Variants in SLC6A9 observed in about 807,000 individuals in gnomAD.
The protein encoded by SLC6A9 is sodium- and chloride-dependent glycine transporter 1.
Under a neutral mutation model 70.9 loss-of-function variants are expected in SLC6A9, and 31 were observed. That is an observed-to-expected ratio of 0.44 (90% confidence interval 0.33 to 0.59). The LOEUF (loss-of-function observed/expected upper bound fraction) is 0.59. SLC6A9 is among the 20% of genes least tolerant of loss of function. The probability of loss-of-function intolerance (pLI) is 0.04; values close to 1 mark genes in which losing one functional copy is unlikely to be tolerated. For synonymous variants in SLC6A9, 310 were observed against 341.3 expected, an observed-to-expected ratio of 0.91 and a Z score of 1.01; for missense variants, 631 against 845.2, an observed-to-expected ratio of 0.75 and a Z score of 3.14.
At chr1:44,003,668 A>G (rs1176665955) in intron 5 of SLC6A9, among the ~76,000 whole-genome samples, 1 of 150,414 alleles carries the variant, frequency 6.6e-6, no homozygotes, top group Non-Finnish European at 1.5e-5. Flanking sequence ...GAACTGCTTG[A>G]ACCCAGGAGG....
rs201864670 is a variant in SLC6A9 at position 44,010,046 on chromosome 1, G to A, written c.238C>T (p.Leu80Phe). ...CCGAAGGAGAGCTCCATGAAGAAGA[G>A]GGGGATCCCGCAGAAGATGAGCATG... The part of the protein sequence containing the change: ...FIMLIFCGIP[L>F]FFMELSFGQF... Residue 80 changes from leucine to phenylalanine, a missense_variant, in exon 4 of 14, where the codon CTC becomes TTC. Physicochemically the swap from Leu to Phe is conservative, Grantham distance 22. Coordinates refer to ENST00000372310, the MANE Select transcript of SLC6A9 (RefSeq NM_001024845.3). The A allele has an allele frequency of 5.6e-6, 9 of 1,614,114 alleles. No homozygotes were observed. The highest frequency in any genetic ancestry group is 7.6e-6 in the Non-Finnish European group (9 of 1,179,974).
chr1:44,002,005 G>A lies in SLC6A9; in HGVS notation c.962+308C>T, dbSNP rs1243104177. 6.6e-6 allele frequency among the ~76,000 whole-genome samples: 1 copy of A among 152,094 alleles called. No homozygotes were observed. Among genetic ancestry groups the A allele is most frequent in the African/African-American group, 2.4e-5 (1 of 41,394 alleles). ...CCCGCCTTGGCCTCTCAAAGTGCTG[G>A]GATTACGGCGTGAAGCACTGAGCCT... On this transcript the variant is annotated intron_variant, in intron 8 of 13. Coordinates refer to ENST00000372310, the MANE Select transcript of SLC6A9 (RefSeq NM_001024845.3). This position sits in a 1 kb window ranked among gnomAD's most constrained non-coding sequence, Gnocchi z 5.5.
intron 2 of SLC6A9, among the ~76,000 whole-genome samples, chr1:44,015,270 C>G (rs1471541912): frequency 6.6e-6 from 1 of 152,234 alleles, no homozygotes; most frequent in African/African-American, 2.4e-5. Flanking sequence ...GCTCTCCACC[C>G]TGGACGGTGA....
In SLC6A9 at chr1:44,002,469, C is replaced by T. The variant is rs1407323263; in HGVS notation, c.858+43G>A. 6.2e-7 allele frequency: 1 copy of T among 1,613,706 alleles called. No homozygotes were observed. The highest frequency in any genetic ancestry group is 8.5e-7 in the Non-Finnish European group (1 of 1,179,636). On this transcript the variant is annotated intron_variant, in intron 7 of 13. Transcript: ENST00000372310. This position sits in a 1 kb window ranked among gnomAD's most constrained non-coding sequence, Gnocchi z 5.5. ...GCTGTGGGCAGAGGCAGGCACCTCC[C>T]TGGCCCCTCCCCAGCCCCCTTCCGG...
chr1:44,002,626 C>T lies in SLC6A9; in HGVS notation c.744G>A (p.Thr248=), dbSNP rs113051677. Residue 248 remains threonine, a synonymous_variant, in exon 7 of 14, where the codon ACG becomes ACA. Coordinates refer to ENST00000372310, the MANE Select transcript of SLC6A9 (RefSeq NM_001024845.3). This position sits in a 1 kb window ranked among gnomAD's most constrained non-coding sequence, Gnocchi z 5.5. ...SSGKVVYFTA[T]FPYVVLTILF... ...GAATGGTCAGCACCACGTAGGGGAA[C>T]GTGGCCGTGAAGTACACCACCTGGC... 57 of 1,614,174 alleles carry T rather than the reference C, an allele frequency of 3.5e-5. No individual in the cohort carries two copies. Among genetic ancestry groups the T allele is most frequent in the South Asian group, 1.1e-4 (10 of 91,084 alleles).
chr1:43,999,388 C>T (rs1361134201), intron 12 of SLC6A9, among the ~76,000 whole-genome samples: 1 of 151,746 alleles, frequency 6.6e-6, no homozygotes, highest in African/African-American at 2.4e-5. Flanking sequence ...CAGATCCCAG[C>T]CAAGGTTGCC....
rs201750914 is a variant in SLC6A9, at chr1:44,002,282, G to A, written c.962+31C>T. The A allele has an allele frequency of 6.6e-7, 1 of 1,505,342 alleles. No homozygotes were observed. The highest frequency in any genetic ancestry group is 9.3e-7 in the Non-Finnish European group (1 of 1,080,888). The allele number at this position is 1,505,342 out of a possible 1,614,324, so 93.2% of individuals were successfully genotyped here. A position where few individuals can be genotyped will look rare whatever the true frequency, so the allele number is the denominator to read the frequency against. ...TCAGGCTGCAGAGAGTGCAGGAAGG[G>A]GGCAGCCTCAGCCCAGCAGGGAGCA... On this transcript the variant is annotated intron_variant, in intron 8 of 13. Transcript: ENST00000372310. This position sits in a 1 kb window ranked among gnomAD's most constrained non-coding sequence, Gnocchi z 5.5.
At position 44,001,445 on chromosome 1, in the gene SLC6A9, G is replaced by A. The variant is rs147902950; in HGVS notation, c.1145C>T (p.Pro382Leu). Residue 382 changes from proline (P) to leucine (L), a missense_variant, in exon 9 of 14, where the codon CCG becomes CTG. Coordinates refer to ENST00000372310, the MANE Select transcript of SLC6A9 (RefSeq NM_001024845.3). ...PEALTLLPIS[P>L]LWSLLFFFML... ...GAAGAAGAAGAGCAGAGACCACAGCGGGGAGATGGGAAGTAGTGTGAGGGC... is the reference window on the plus strand; with the variant it reads ...GAAGAAGAAGAGCAGAGACCACAGCAGGGAGATGGGAAGTAGTGTGAGGGC... 4.5e-5 allele frequency: 72 copies of A among 1,614,052 alleles called. No homozygotes were observed. The highest frequency in any genetic ancestry group is 1.6e-4 in the Middle Eastern group (1 of 6,084).
intron 1 of SLC6A9, among the ~76,000 whole-genome samples, chr1:44,030,130 CGGA>C (rs1482126988): frequency 6.6e-6 from 1 of 152,060 alleles, no homozygotes; most frequent in African/African-American, 2.4e-5. Context: ...GCCCGAGGCG[CGGA>C]GGCCTCCGGC....
chr1:44,008,910 C>T lies in SLC6A9; in HGVS notation c.320-287G>A, dbSNP rs369839646. Among the ~76,000 whole-genome samples the T allele has an allele frequency of 2.4e-4, 36 of 151,012 alleles. 1 individual carries two copies. The South Asian group carries it at 6.5e-3, about 27-fold the overall frequency. ...AATTTTTTTGTATTTTTAGTAGAGA[C>T]GGGGTTTCACTGTGTTAGCCAGGAT... On this transcript the variant is annotated intron_variant, in intron 4 of 13. Coordinates refer to ENST00000372310, the MANE Select transcript of SLC6A9 (RefSeq NM_001024845.3).
chr1:44,019,741 C>G (rs1485234038), intron 2 of SLC6A9, among the ~76,000 whole-genome samples: 1 of 152,264 alleles, frequency 6.6e-6, no homozygotes, highest in African/African-American at 2.4e-5. Context: ...CTTAGGGATG[C>G]TGACTCCCCC....
chr1:44,001,580 G>A lies in SLC6A9; in HGVS notation c.1010C>T (p.Ala337Val), dbSNP rs1460287009. Reference sequence around the variant, plus strand: ...GAGGATGGAGAAGATGACGAAGCCAGCATAGACGCTGGTGGCACAGTTGGT... The same window carrying A: ...GAGGATGGAGAAGATGACGAAGCCAACATAGACGCTGGTGGCACAGTTGGT... ...SITNCATSVY[A>V]GFVIFSILGF... Residue 337 changes from alanine to valine, a missense_variant, in exon 9 of 14, where the codon GCT becomes GTT. Physicochemically the swap from Ala to Val is moderately conservative, Grantham distance 64. Transcript: ENST00000372310. 6.2e-7 allele frequency: 1 copy of A among 1,614,238 alleles called. No individual in the cohort carries two copies. The highest frequency in any genetic ancestry group is 1.7e-5 in the Admixed American group (1 of 60,026).
chr1:44,003,207 C>T (rs1016518382), intron 5 of SLC6A9, among the ~76,000 whole-genome samples: 8 of 152,252 alleles, frequency 5.3e-5, no homozygotes, highest in African/African-American at 1.9e-4. Context: ...GCTCTGCAGC[C>T]TTTCCCAGGC....
At chr1:44,003,748 C>CAAAAAAA (rs34308293) in intron 5 of SLC6A9, among the ~76,000 whole-genome samples, 1 of 71,958 alleles carries the variant, frequency 1.4e-5, no homozygotes, top group African/African-American at 5.6e-5. Context: ...AGTCCAATCT[C>CAAAAAAA]AAAAAAAAAA....
chr1:44,027,158 G>T (rs923061418), intron 1 of SLC6A9, among the ~76,000 whole-genome samples: 2 of 152,144 alleles, frequency 1.3e-5, no homozygotes, highest in African/African-American at 4.8e-5. Context: ...TGCCCCTGAA[G>T]CACTTGTGGG....
chr1:44,026,406 C>A (rs926980708), intron 1 of SLC6A9, among the ~76,000 whole-genome samples: 7 of 152,282 alleles, frequency 4.6e-5, no homozygotes, highest in African/African-American at 1.7e-4. Flanking sequence ...CGGCTGTAAT[C>A]CCAGCACTTT....
chr1:44,006,614 A>G (rs537510684), intron 5 of SLC6A9, among the ~76,000 whole-genome samples: 388 of 151,282 alleles, frequency 2.6e-3, no homozygotes, highest in Non-Finnish European at 4.3e-3. Context: ...AAAAAAAGAA[A>G]TCATCTGTCC....
At chr1:44,015,799 C>T in intron 2 of SLC6A9, 1 of 956,330 alleles carries the variant, frequency 1.0e-6, no homozygotes, top group Non-Finnish European at 1.2e-6. Context: ...GCTCTGATCT[C>T]TGGCCTCAGT....
intron 2 of SLC6A9, among the ~76,000 whole-genome samples, chr1:44,023,151 G>A (rs1306292832): frequency 1.3e-5 from 2 of 152,170 alleles, no homozygotes; most frequent in African/African-American, 4.8e-5. Context: ...GAAAGGATGG[G>A]AGCTGCTGAG....
Sources: gnomAD v4.1 joint callset for allele counts (sites outside exome capture counted in the v4.1 genomes callset) on GRCh38, gnomAD v4.1.1 for gene constraint, Gnocchi (gnomAD v3.1) non-coding constraint, MANE v1.5 for transcripts, NCBI Gene and HGNC (gene_info 2026-07-23, HGNC 2026-07-21) for gene names.